ITK: variants seen among roughly 807,000 people sequenced by gnomAD.
The protein encoded by ITK is tyrosine-protein kinase ITK/TSK.
A neutral mutation model predicts 87.6 loss-of-function variants in ITK; 45 were observed. The observed-to-expected ratio is 0.51, with a 90% CI of 0.40 to 0.66. ITK has a LOEUF of 0.66. Among genes scored for constraint, ITK ranks in the 30% least tolerant of loss-of-function variants. ITK has a pLI of 0.00. For missense variants in ITK, 605 were observed against 766.3 expected, an observed-to-expected ratio of 0.79 and a Z score of 2.48; for synonymous variants, 303 against 273.6, an observed-to-expected ratio of 1.11 and a Z score of -1.06.
At chr5:157,188,597 C>T (rs1412287747) in intron 1 of ITK, among the ~76,000 whole-genome samples, 3 of 151,562 alleles carry the variant, frequency 2.0e-5, no homozygotes, top group African/African-American at 7.3e-5. Context: ...GTCTCAAACA[C>T]CCCAGATTTT....
rs559551611 is a variant in ITK at position 157,253,237 on chromosome 5, G to T, written c.*559G>T. ...GTCAGCCACAGCTTCCTGCCGTAGA[G>T]AATGATAGAGCAGCTGCTCACACAG... On this transcript the variant is annotated 3_prime_UTR_variant, in exon 17 of 17. Transcript: ENST00000422843. 1 of 251,956 alleles carries T rather than the reference G, an allele frequency of 4.0e-6. No individual in the cohort carries two copies. The highest frequency in any genetic ancestry group is 5.5e-5 in the East Asian group (1 of 18,044). 15.6% of individuals were successfully genotyped at this position (251,956 alleles called of 1,614,324 possible).
intron 4 of ITK, among the ~76,000 whole-genome samples, chr5:157,214,809 C>A (rs771984305): frequency 2.6e-5 from 4 of 152,162 alleles, no homozygotes; most frequent in Admixed American, 2.0e-4. Flanking sequence ...CAACTCTATA[C>A]CCTTAAAGGT....
chr5:157,230,553 C>T (rs567874127), intron 7 of ITK, among the ~76,000 whole-genome samples: 1 of 152,214 alleles, frequency 6.6e-6, no homozygotes, highest in East Asian at 1.9e-4. Context: ...AGTAGCCCTT[C>T]CCTCAGTGAA....
Position 157,244,343 on chromosome 5 carries a change from G to A in ITK, c.1314G>A (p.Met438Ile). The A allele has an allele frequency of 6.2e-7, 1 of 1,614,150 alleles. No homozygotes were observed. The highest frequency in any genetic ancestry group is 8.5e-7 in the Non-Finnish European group (1 of 1,180,012). The change falls in exon 13 of 17, where the codon ATG (methionine) becomes ATA (isoleucine). Residue 438 changes from methionine to isoleucine, a missense_variant. By Grantham distance (10) the Met-to-Ile change is conservative. Transcript: ENST00000422843. Reference sequence around the variant, plus strand: ...CCATCTGCCTGGTGTTTGAGTTCATGGAGCACGGCTGCCTGTCAGATTATC... The same window carrying A: ...CCATCTGCCTGGTGTTTGAGTTCATAGAGCACGGCTGCCTGTCAGATTATC... ...QAPICLVFEF[M>I]EHGCLSDYLR...
intron 13 of ITK, chr5:157,244,903 T>A: frequency 3.9e-6 from 1 of 259,208 alleles, no homozygotes; most frequent in Non-Finnish European, 7.7e-6. Context: ...TTTAACACAT[T>A]CCCCGTATGA....
chr5:157,232,412 G>A lies in ITK; in HGVS notation c.768+18G>A, dbSNP rs1754675897. 1.9e-6 allele frequency: 3 copies of A among 1,561,186 alleles called. No individual in the cohort carries two copies. The highest frequency in any genetic ancestry group is 1.8e-6 in the Non-Finnish European group (2 of 1,134,150). ...TGGACACAGTAAGTCTCCTTAACCT[G>A]TCTTTTGACATAAAATAAAATGAAT... is the stretch of plus-strand genomic sequence containing the variant. On this transcript the variant is annotated intron_variant, in intron 8 of 16. Transcript: ENST00000422843.
Position 157,240,182 on chromosome 5 carries a change from A to G in ITK, c.972A>G (p.Gln324=), listed in dbSNP as rs1239589350. The G allele has an allele frequency of 1.2e-6, 2 of 1,614,000 alleles. No homozygotes were observed. The highest frequency in any genetic ancestry group is 1.7e-5 in the Admixed American group (1 of 59,992). The change falls in exon 10 of 17, where the codon CAA becomes CAG. Residue 324 remains glutamine, a synonymous_variant. Transcript: ENST00000422843. ...DSIPLLINYH[Q]HNGGGLVTRL... ...TCCCTCTTCTCATCAACTATCACCA[A>G]CATAATGGAGGAGGTAAGCTCTAGA...
chr5:157,194,704 A>G (rs1580876985), intron 1 of ITK, among the ~76,000 whole-genome samples: 1 of 152,232 alleles, frequency 6.6e-6, no homozygotes, highest in Non-Finnish European at 1.5e-5. Flanking sequence ...TTTAATAGTT[A>G]TGTATCTACT....
chr5:157,248,983 G>T lies in ITK; in HGVS notation c.1767G>T (p.Gln589His). 6.2e-7 allele frequency: 1 copy of T among 1,613,942 alleles called. No homozygotes were observed. Among genetic ancestry groups the T allele is most frequent in the Non-Finnish European group, 8.5e-7 (1 of 1,179,838 alleles). ...GGCTGGCCTCCACACACGTCTACCAGATTATGAATCACTGCTGGAAAGAGG... is the reference window on the plus strand; with the variant it reads ...GGCTGGCCTCCACACACGTCTACCATATTATGAATCACTGCTGGAAAGAGG... ...KPRLASTHVY[Q>H]IMNHCWKERP... is the part of the protein sequence containing the mutation. The change falls in exon 16 of 17, where the codon CAG (glutamine) becomes CAT (histidine). Residue 589 changes from glutamine (Q) to histidine (H), a missense_variant. Physicochemically the swap from Gln to His is conservative, Grantham distance 24. Transcript: ENST00000422843.
intron 9 of ITK, 46 bp from the exon 10 acceptor site, chr5:157,240,016 A>G: frequency 1.3e-6 from 2 of 1,592,750 alleles, no homozygotes; most frequent in East Asian, 2.2e-5. Context: ...TTGTGTCTCA[A>G]CATTGCTTCT....
chr5:157,203,157 T>C (rs1409418333), intron 1 of ITK, among the ~76,000 whole-genome samples: 1 of 152,204 alleles, frequency 6.6e-6, no homozygotes, highest in African/African-American at 2.4e-5. Context: ...TGTTCTATTC[T>C]CTTTCCAGCA....
At chr5:157,219,632 T>C (rs1185088565) in intron 5 of ITK, among the ~76,000 whole-genome samples, 1 of 152,168 alleles carries the variant, frequency 6.6e-6, no homozygotes, top group Non-Finnish European at 1.5e-5. Context: ...GCCTACTCCC[T>C]CACAACATGA....
chr5:157,191,602 A>G (rs1367294703), intron 1 of ITK, among the ~76,000 whole-genome samples: 1 of 152,206 alleles, frequency 6.6e-6, no homozygotes, highest in African/African-American at 2.4e-5. Flanking sequence ...AATGCATGAC[A>G]ATTTTATATT....
chr5:157,238,669 A>C (rs1754825454), intron 9 of ITK, among the ~76,000 whole-genome samples: 2 of 152,222 alleles, frequency 1.3e-5, no homozygotes. Flanking sequence ...CATTTCACAC[A>C]GAAGAAACCG....
intron 7 of ITK, among the ~76,000 whole-genome samples, chr5:157,230,740 A>T (rs1754634386): frequency 6.6e-6 from 1 of 152,250 alleles, no homozygotes; most frequent in Admixed American, 6.5e-5. Context: ...TTTAATCAGA[A>T]TCTCTTTGTT....
intron 1 of ITK, chr5:157,199,801 TA>T (rs1322323617): frequency 6.6e-6 from 1 of 152,204 alleles, no homozygotes; most frequent in Non-Finnish European, 1.5e-5. Context: ...TGTTCAAAAA[TA>T]GTATCATTTT....
intron 1 of ITK, among the ~76,000 whole-genome samples, chr5:157,205,975 CTT>C (rs36004184): frequency 0.056 from 6,205 of 111,268 alleles, 157 homozygotes; most frequent in African/African-American, 0.15. Flanking sequence ...AAGGATTAGC[CTT>C]TTTTTTTTTT....
At chr5:157,184,124 G>T (rs1753595505) in intron 1 of ITK, among the ~76,000 whole-genome samples, 1 of 150,804 alleles carries the variant, frequency 6.6e-6, no homozygotes, top group African/African-American at 2.5e-5. Flanking sequence ...CATGATTTCA[G>T]AGGCTCTCCT....
chr5:157,243,885 T>G, intron 12 of ITK, 91 bp downstream of exon 12: 1 of 1,209,872 alleles, frequency 8.3e-7, no homozygotes, highest in South Asian at 1.2e-5. Context: ...GGGGGTACTA[T>G]CTCCCTGCGC....
Sources: allele counts gnomAD v4.1 joint callset (sites outside exome capture counted in the v4.1 genomes callset), GRCh38; gene constraint gnomAD v4.1.1; transcripts MANE v1.5; gene names NCBI Gene and HGNC (gene_info 2026-07-23, HGNC 2026-07-21).